Variants in TJP1 observed in about 807,000 individuals in gnomAD.
TJP1 encodes tight junction protein 1.
TJP1 carries 43 observed loss-of-function variants against 194.2 expected under a neutral mutation model. The ratio of observed to expected loss-of-function variants is 0.22; its 90% CI spans 0.17 to 0.29. TJP1 has a LOEUF of 0.29. Among genes scored for constraint, TJP1 ranks in the 10% least tolerant of loss-of-function variants. TJP1 has a pLI of 1.00. For synonymous variants in TJP1, 801 were observed against 779.0 expected, an observed-to-expected ratio of 1.03 and a Z score of -0.47; for missense variants, 1,971 against 2,185.7, an observed-to-expected ratio of 0.90 and a Z score of 1.96.
Position 29,822,032 on chromosome 15 carries a change from G to A in TJP1, c.-4C>T. ...CGGCCGCAGCTCTGGCGGACATCTT[G>A]TCTCTCTCCAGCGCCGCGCGAGGCT... On this transcript the variant is annotated 5_prime_UTR_variant, in exon 1 of 28. Coordinates refer to ENST00000614355, the MANE Select transcript of TJP1 (RefSeq NM_001330239.4). 7.4e-7 allele frequency: 1 copy of A among 1,352,222 alleles called. No individual in the cohort carries two copies. Among genetic ancestry groups the A allele is most frequent in the Non-Finnish European group, 9.5e-7 (1 of 1,048,842 alleles). The allele number at this position is 1,352,222 out of a possible 1,614,324, so 83.8% of individuals were successfully genotyped here. A position where few individuals can be genotyped will look rare whatever the true frequency, so the allele number is the denominator to read the frequency against.
At chr15:29,958,903 T>A (rs62014522) in intron 1 of TJP1, among the ~76,000 whole-genome samples, 2 of 122,560 alleles carry the variant, frequency 1.6e-5, no homozygotes, top group Non-Finnish European at 3.5e-5. Context: ...TTCTCCAGAT[T>A]GCAAACTTGC....
At chr15:29,861,348 C>T (rs938117784) in intron 2 of TJP1, among the ~76,000 whole-genome samples, 6 of 152,118 alleles carry the variant, frequency 3.9e-5, no homozygotes, top group Non-Finnish European at 7.3e-5. Flanking sequence ...TCTTAGTGGA[C>T]GTAAAGTGGT....
At chr15:29,769,342 A>C (rs995923836) in intron 4 of TJP1, among the ~76,000 whole-genome samples, 81 of 152,180 alleles carry the variant, frequency 5.3e-4, no homozygotes, top group African/African-American at 1.9e-3. Context: ...TTGAAAACTG[A>C]ACTCTCAATA....
intron 24 of TJP1, among the ~76,000 whole-genome samples, chr15:29,709,466 C>T (rs1012364222): frequency 9.2e-5 from 14 of 152,174 alleles, no homozygotes; most frequent in Admixed American, 8.5e-4. Context: ...AAAGTGGAAC[C>T]ACAGGATTTT....
chr15:29,800,775 C>A (rs1030673144), intron 1 of TJP1, 73 bp from the exon 2 acceptor site: 58 of 1,458,870 alleles, frequency 4.0e-5, no homozygotes, highest in Non-Finnish European at 5.5e-5. Flanking sequence ...CAAGAACATC[C>A]AACAATTCAG....
At chr15:29,819,244 A>AC (rs2050158341) in intron 1 of TJP1, among the ~76,000 whole-genome samples, 1 of 152,204 alleles carries the variant, frequency 6.6e-6, no homozygotes. Context: ...AAAATGGATA[A>AC]CCAATAGTCC....
chr15:29,837,966 G>A (rs1026408098), intron 2 of TJP1, among the ~76,000 whole-genome samples: 3 of 152,070 alleles, frequency 2.0e-5, no homozygotes, highest in Non-Finnish European at 4.4e-5. Flanking sequence ...TTATTTCCTA[G>A]CAAGAATAGG....
chr15:29,741,716 C>G lies in TJP1; in HGVS notation c.1151-280G>C, dbSNP rs538891835. Among the ~76,000 whole-genome samples the G allele has an allele frequency of 1.4e-4, 21 of 152,246 alleles. 1 individual carries two copies. In the South Asian group the frequency reaches 3.9e-3, roughly 29 times the overall value. On this transcript the variant is annotated intron_variant, in intron 9 of 27. Coordinates refer to ENST00000614355, the MANE Select transcript of TJP1 (RefSeq NM_001330239.4). ...AAATAGATATGAGAAGAGAGAATTC[C>G]TACACTTCCCAGTTAAGACTGCCAA...
chr15:29,789,549 T>C (rs2047936767), intron 2 of TJP1, among the ~76,000 whole-genome samples: 1 of 152,154 alleles, frequency 6.6e-6, no homozygotes, highest in Non-Finnish European at 1.5e-5. Flanking sequence ...AGGGTTTCAA[T>C]GGTTTCTAGA....
chr15:29,949,244 T>C (rs1313124903), intron 2 of TJP1, among the ~76,000 whole-genome samples: 2 of 41,626 alleles, frequency 4.8e-5, no homozygotes, highest in Admixed American at 2.6e-4. Flanking sequence ...TACCTCCACC[T>C]TCACCACCAC....
chr15:29,908,263 G>A (rs1341998134), intron 2 of TJP1, among the ~76,000 whole-genome samples: 1 of 151,992 alleles, frequency 6.6e-6, no homozygotes, highest in African/African-American at 2.4e-5. Context: ...GAACACCAGG[G>A]ATAAAGAGAA....
Position 29,742,774 on chromosome 15 carries a change from T to G in TJP1, c.1018A>C (p.Ser340Arg), listed in dbSNP as rs992810201. ...PQQPSNGSLR[S>R]RDEERISKPG... is the part of the protein sequence containing the mutation. ...TTAGAAATTCTCTCTTCATCTCTAC[T>G]CCGGAGACTGTGTGTCATTAAAATA... is the stretch of plus-strand genomic sequence containing the variant. Residue 340 changes from serine (S) to arginine (R), a missense_variant, in exon 9 of 28, where the codon AGT becomes CGT. Transcript: ENST00000614355. 5.7e-6 allele frequency: 9 copies of G among 1,588,458 alleles called. No individual in the cohort carries two copies. The highest frequency in any genetic ancestry group is 1.8e-5 in the Admixed American group (1 of 54,164).
Position 29,726,862 on chromosome 15 carries a change from A to G in TJP1, c.2230T>C (p.Cys744Arg). 1.1e-5 allele frequency: 18 copies of G among 1,614,214 alleles called. No individual in the cohort carries two copies. Among genetic ancestry groups the G allele is most frequent in the Non-Finnish European group, 1.5e-5 (18 of 1,180,036 alleles). The change falls in exon 17 of 28, where the codon TGT (cysteine) becomes CGT (arginine). Residue 744 changes from cysteine to arginine, a missense_variant. This residue lies in a region of TJP1 where 402 missense variants were observed against 484.2 expected (regional missense o/e 0.83). Transcript: ENST00000614355. ...CTGGCACTTTTCCGAGATTCTGGAC[A>G]TAACCTCATTCTCATTGTTTTTACT... Reference protein sequence around the residue: ...QGVKTMRMRLCPESRKSARKL... With the variant: ...QGVKTMRMRLRPESRKSARKL...
At chr15:29,899,356 T>C (rs1044996842) in intron 2 of TJP1, among the ~76,000 whole-genome samples, 3 of 152,252 alleles carry the variant, frequency 2.0e-5, no homozygotes, top group Non-Finnish European at 4.4e-5. Flanking sequence ...TTTGAGTTCA[T>C]TTTCTATTCT....
At chr15:29,965,772 A>C (rs1158103251) in intron 1 of TJP1, among the ~76,000 whole-genome samples, 1 of 152,214 alleles carries the variant, frequency 6.6e-6, no homozygotes, top group Non-Finnish European at 1.5e-5. Flanking sequence ...CAACTTAAGA[A>C]TATGAAGTAT....
At chr15:29,762,029 C>A (rs536347578) in intron 6 of TJP1, among the ~76,000 whole-genome samples, 4 of 152,048 alleles carry the variant, frequency 2.6e-5, no homozygotes, top group African/African-American at 9.7e-5. Context: ...TATAAACAAA[C>A]GAATAAATAA....
At chr15:29,965,033 TG>T (rs1400891421) in intron 1 of TJP1, among the ~76,000 whole-genome samples, 1 of 152,058 alleles carries the variant, frequency 6.6e-6, no homozygotes. Flanking sequence ...CCAAGCGAGA[TG>T]GAAGTGTGGG....
chr15:29,887,819 G>A (rs1468397654), intron 2 of TJP1, among the ~76,000 whole-genome samples: 1 of 152,174 alleles, frequency 6.6e-6, no homozygotes, highest in African/African-American at 2.4e-5. Flanking sequence ...CCAATAAACA[G>A]TGCTATAACA....
Position 29,822,143 on chromosome 15 carries a change from C to A in TJP1, c.-115G>T. ...ACATCTCCCGAGAGCGAGCGGGGCACGGGCGGGGGCGGCCGGAAGGGCCCG... is the reference window on the plus strand; with the variant it reads ...ACATCTCCCGAGAGCGAGCGGGGCAAGGGCGGGGGCGGCCGGAAGGGCCCG... On this transcript the variant is annotated 5_prime_UTR_variant, in exon 1 of 28. Coordinates refer to ENST00000614355, the MANE Select transcript of TJP1 (RefSeq NM_001330239.4). 4.2e-6 allele frequency: 5 copies of A among 1,183,454 alleles called. No homozygotes were observed. Among genetic ancestry groups the A allele is most frequent in the Non-Finnish European group, 4.2e-6 (4 of 955,788 alleles). 73.3% of individuals were successfully genotyped at this position (1,183,454 alleles called of 1,614,324 possible).
Sources: allele counts gnomAD v4.1 joint callset (sites outside exome capture counted in the v4.1 genomes callset), GRCh38; gene constraint gnomAD v4.1.1; regional missense constraint gnomAD v4.1.1; transcripts MANE v1.5; gene names NCBI Gene and HGNC (gene_info 2026-07-23, HGNC 2026-07-21).